Variants in SPOCK1 observed in about 807,000 individuals in gnomAD.
SPOCK1 encodes the protein testican-1.
In SPOCK1, 23 loss-of-function variants were observed where a neutral mutation model predicts 55.3. The ratio of observed to expected loss-of-function variants is 0.42; its 90% CI spans 0.30 to 0.59. SPOCK1 has a LOEUF of 0.59. Among genes scored for constraint, SPOCK1 ranks in the 20% least tolerant of loss-of-function variants. The pLI is 0.22. For synonymous variants in SPOCK1, 226 were observed against 221.0 expected, an observed-to-expected ratio of 1.02 and a Z score of -0.20; for missense variants, 499 against 552.5, an observed-to-expected ratio of 0.90 and a Z score of 0.97.
intron 2 of SPOCK1, among the ~76,000 whole-genome samples, chr5:137,378,814 G>T (rs1751388607): frequency 1.3e-5 from 2 of 152,212 alleles, no homozygotes; most frequent in South Asian, 4.1e-4. Context: ...GGAGTTTGAA[G>T]TGGGGCTTGA....
chr5:137,419,711 T>C (rs543232144), intron 2 of SPOCK1, among the ~76,000 whole-genome samples: 5 of 152,310 alleles, frequency 3.3e-5, no homozygotes, highest in African/African-American at 1.2e-4. Context: ...GCTGAGACGA[T>C]GGGGTTTTCT....
At chr5:137,355,703 G>A (rs944293739) in intron 2 of SPOCK1, among the ~76,000 whole-genome samples, 2 of 152,060 alleles carry the variant, frequency 1.3e-5, no homozygotes, top group African/African-American at 2.4e-5. Flanking sequence ...GACCTGAGCC[G>A]TTCCAGATGT....
Position 137,153,797 on chromosome 5 carries a change from G to T in SPOCK1, c.233-13103C>A, listed in dbSNP as rs548237728. 9.9e-5 allele frequency among the ~76,000 whole-genome samples: 15 copies of T among 151,988 alleles called. No individual in the cohort carries two copies. In the South Asian group the frequency reaches 2.9e-3, roughly 29 times the overall value. On this transcript the variant is annotated intron_variant, in intron 3 of 10. Transcript: ENST00000394945. ...CCCTTGAGCCCAGGAGGTCAAGGCTGCAGTGACTCATGATCACACCACTGC... is the reference window on the plus strand; with the variant it reads ...CCCTTGAGCCCAGGAGGTCAAGGCTTCAGTGACTCATGATCACACCACTGC...
intron 3 of SPOCK1, among the ~76,000 whole-genome samples, chr5:137,187,235 C>T (rs1006173151): frequency 6.6e-6 from 1 of 152,200 alleles, no homozygotes; most frequent in Non-Finnish European, 1.5e-5. Flanking sequence ...GACCTCAACC[C>T]TGAGCTCCAG....
intron 3 of SPOCK1, among the ~76,000 whole-genome samples, chr5:137,209,633 T>C (rs886194374): frequency 6.6e-6 from 1 of 152,178 alleles, no homozygotes; most frequent in South Asian, 2.1e-4. Context: ...TCTGCCTCCA[T>C]TATGGCCCTC....
intron 3 of SPOCK1, among the ~76,000 whole-genome samples, chr5:137,208,557 C>T (rs1338415150): frequency 6.6e-6 from 1 of 152,282 alleles, no homozygotes; most frequent in East Asian, 1.9e-4. Context: ...TATTTTGCAG[C>T]AACATGGATG....
At chr5:137,362,925 A>G (rs1750981886) in intron 2 of SPOCK1, among the ~76,000 whole-genome samples, 1 of 152,216 alleles carries the variant, frequency 6.6e-6, no homozygotes, top group Admixed American at 6.5e-5. Flanking sequence ...CAGGAAGATT[A>G]AATCACTTGC....
chr5:137,322,991 G>A (rs967729735), intron 2 of SPOCK1, among the ~76,000 whole-genome samples: 1 of 152,100 alleles, frequency 6.6e-6, no homozygotes, highest in African/African-American at 2.4e-5. Context: ...AAAGGAAGAT[G>A]AACTCTCCCT....
At chr5:137,428,726 C>A (rs550856163) in intron 2 of SPOCK1, among the ~76,000 whole-genome samples, 1 of 152,348 alleles carries the variant, frequency 6.6e-6, no homozygotes, top group South Asian at 2.1e-4. Context: ...GCCCACCCAC[C>A]CGCAAAGACA....
intron 2 of SPOCK1, among the ~76,000 whole-genome samples, chr5:137,379,553 C>G (rs904567719): frequency 6.7e-6 from 1 of 148,656 alleles, no homozygotes; most frequent in Non-Finnish European, 1.5e-5. Flanking sequence ...ACCACCACTC[C>G]TAAACACCCT....
intron 9 of SPOCK1, 113 bp downstream of exon 9, chr5:136,985,027 T>C: frequency 1.8e-6 from 2 of 1,109,678 alleles, no homozygotes; most frequent in Non-Finnish European, 2.8e-6. Context: ...AAACAAGGCA[T>C]TTCTTTCATG....
At chr5:137,225,099 C>T (rs932333273) in intron 3 of SPOCK1, among the ~76,000 whole-genome samples, 3 of 152,024 alleles carry the variant, frequency 2.0e-5, no homozygotes, top group African/African-American at 7.2e-5. Context: ...TCCACCAAGC[C>T]AGCCCAAGAG....
chr5:137,080,415 C>T (rs914430609), intron 5 of SPOCK1, among the ~76,000 whole-genome samples: 2 of 152,200 alleles, frequency 1.3e-5, no homozygotes, highest in Non-Finnish European at 2.9e-5. Flanking sequence ...TCTTCTCTGT[C>T]AGTTCATGGT....
intron 3 of SPOCK1, among the ~76,000 whole-genome samples, chr5:137,223,965 G>C (rs1755903362): frequency 6.6e-6 from 1 of 152,202 alleles, no homozygotes; most frequent in Admixed American, 6.5e-5. Flanking sequence ...ATGGTTAAGA[G>C]TCATTTCTTG....
At chr5:137,136,698 A>C (rs1002701127) in intron 4 of SPOCK1, among the ~76,000 whole-genome samples, 21 of 152,172 alleles carry the variant, frequency 1.4e-4, no homozygotes, top group African/African-American at 4.8e-4. Context: ...TAAATTAAAA[A>C]TTATTTTAAA....
At chr5:137,480,303 T>TCACACACACACACACA (rs6149262) in intron 2 of SPOCK1, among the ~76,000 whole-genome samples, 1 of 140,118 alleles carries the variant, frequency 7.1e-6, no homozygotes, top group Admixed American at 7.1e-5. Context: ...TTGCTCTCCT[T>TCACACACACACACACA]CACACACACA....
chr5:137,222,559 C>T (rs1755875206), intron 3 of SPOCK1, among the ~76,000 whole-genome samples: 1 of 152,148 alleles, frequency 6.6e-6, no homozygotes, highest in African/African-American at 2.4e-5. Context: ...AGACCCCCTT[C>T]ACATATCTGT....
chr5:137,174,381 A>G (rs1754812379), intron 3 of SPOCK1, among the ~76,000 whole-genome samples: 2 of 152,208 alleles, frequency 1.3e-5, no homozygotes, highest in African/African-American at 4.8e-5. Flanking sequence ...TGGCTTTCAT[A>G]TGCTTCAAGA....
chr5:137,491,610 G>A lies in SPOCK1; in HGVS notation c.186+6763C>T, dbSNP rs1043617951. 5.9e-5 allele frequency among the ~76,000 whole-genome samples: 9 copies of A among 152,138 alleles called. 1 individual carries two copies. Among genetic ancestry groups the A allele is most frequent in the Admixed American group, 5.2e-4 (8 of 15,276 alleles). ...TGTATCTTAAAAGGAATTACAAAGGGGTGAGGTCCTGGCTTAGAGATAGGA... is the reference window on the plus strand; with the variant it reads ...TGTATCTTAAAAGGAATTACAAAGGAGTGAGGTCCTGGCTTAGAGATAGGA... On this transcript the variant is annotated intron_variant, in intron 2 of 10. Transcript: ENST00000394945.
Sources: allele counts gnomAD v4.1 joint callset (sites outside exome capture counted in the v4.1 genomes callset), GRCh38; gene constraint gnomAD v4.1.1; transcripts MANE v1.5; gene names NCBI Gene and HGNC (gene_info 2026-07-23, HGNC 2026-07-21).